The following DENND5A variants were observed in gnomAD, a reference collection of about 807,000 sequenced individuals.
DENND5A encodes DENN domain containing 5A.
DENND5A carries 64 observed loss-of-function variants against 140.3 expected under a neutral mutation model. The ratio of observed to expected loss-of-function variants is 0.46; its 90% CI spans 0.37 to 0.56. The LOEUF (loss-of-function observed/expected upper bound fraction) is 0.56. DENND5A is among the 20% of genes least tolerant of loss of function. DENND5A has a pLI of 0.00. For synonymous variants in DENND5A, 605 were observed against 607.7 expected (o/e 1.00, Z 0.07); for missense variants, 1,292 against 1,593.8 (o/e 0.81, Z 3.22).
chr11:9,237,517 A>G (rs546676331), intron 1 of DENND5A, among the ~76,000 whole-genome samples: 66 of 152,356 alleles, frequency 4.3e-4, no homozygotes, highest in Non-Finnish European at 8.1e-4. Context: ...AATGTTAAAC[A>G]TTACTAGCAG....
Position 9,243,087 on chromosome 11 carries a change from C to CAAAAAAA in DENND5A, c.109+21867_109+21873dup, listed in dbSNP as rs539119487. The stretch of plus-strand genomic sequence containing the variant: ...TGGGCGACACAGCGAGACTCTGTCT[C>CAAAAAAA]AAAAAAAAAAAAAAAAACAAAAAAA... On this transcript the variant is annotated intron_variant, in intron 1 of 22. Transcript: ENST00000328194. 4.8e-4 allele frequency among the ~76,000 whole-genome samples: 32 copies of CAAAAAAA among 66,886 alleles called. 2 individuals carry two copies. Among genetic ancestry groups the CAAAAAAA allele is most frequent in the African/African-American group, 7.4e-4 (12 of 16,226 alleles). 43.9% of individuals were successfully genotyped at this position (66,886 alleles called of 152,430 possible). A position where few individuals can be genotyped will look rare whatever the true frequency, so the allele number is the denominator to read the frequency against.
At chr11:9,140,488 C>T (rs1847200708) in intron 22 of DENND5A, among the ~76,000 whole-genome samples, 1 of 152,178 alleles carries the variant, frequency 6.6e-6, no homozygotes, top group Non-Finnish European at 1.5e-5. Flanking sequence ...ACCTGACCTA[C>T]AGGAATAGCC....
intron 1 of DENND5A, among the ~76,000 whole-genome samples, chr11:9,224,072 T>G (rs1277563215): frequency 6.6e-6 from 1 of 152,116 alleles, no homozygotes; most frequent in African/African-American, 2.4e-5. Context: ...CGCATGCCTG[T>G]AATCCCAACT....
chr11:9,147,173 A>T, intron 15 of DENND5A, 22 bp from the exon 16 acceptor site: 1 of 1,612,798 alleles, frequency 6.2e-7, no homozygotes, highest in South Asian at 1.1e-5. Flanking sequence ...GAGGTAATAC[A>T]TCAGTCTCCG....
intron 12 of DENND5A, among the ~76,000 whole-genome samples, chr11:9,155,691 A>G (rs1226537969): frequency 1.3e-5 from 2 of 152,264 alleles, no homozygotes; most frequent in Non-Finnish European, 2.9e-5. Context: ...AAAGATAAGT[A>G]ACAACTCCTT....
At chr11:9,152,491 T>C (rs750698431) in intron 12 of DENND5A, 49 bp from the exon 13 acceptor site, 1 of 1,284,588 alleles carries the variant, frequency 7.8e-7, no homozygotes, top group South Asian at 1.2e-5. Flanking sequence ...ATTTCAGGGG[T>C]CAAGGCTTTC....
intron 15 of DENND5A, among the ~76,000 whole-genome samples, chr11:9,149,530 G>A (rs1373147910): frequency 6.6e-6 from 1 of 152,174 alleles, no homozygotes; most frequent in African/African-American, 2.4e-5. Flanking sequence ...GATGAACCAC[G>A]TTTCTGGGGA....
chr11:9,249,336 C>T (rs905308874), intron 1 of DENND5A, among the ~76,000 whole-genome samples: 6 of 151,748 alleles, frequency 4.0e-5, no homozygotes, highest in African/African-American at 1.5e-4. Flanking sequence ...TATTCATTTA[C>T]TGTCTTATAA....
intron 15 of DENND5A, among the ~76,000 whole-genome samples, chr11:9,147,654 G>A (rs1445343276): frequency 2.6e-5 from 4 of 152,180 alleles, no homozygotes; most frequent in African/African-American, 7.2e-5. Flanking sequence ...ATTCAGAGGC[G>A]AGAAAGGGCA....
rs909412240 is a variant in DENND5A, at chr11:9,149,169, C to T, written c.2735+912G>A. ...GAATTCAGTGGGTCCCATGAATACA[C>T]AGCCCCCATGAATATACAACCCTGC... On this transcript the variant is annotated intron_variant, in intron 15 of 22. Coordinates refer to ENST00000328194, the MANE Select transcript of DENND5A (RefSeq NM_015213.4). Among the ~76,000 whole-genome samples, 5 of 152,174 alleles carry T rather than the reference C, an allele frequency of 3.3e-5. No homozygotes were observed. The East Asian group carries it at 9.6e-4, about 29-fold the overall frequency.
At chr11:9,144,327 C>G in intron 18 of DENND5A, 49 bp from the exon 19 acceptor site, 2 of 1,593,906 alleles carry the variant, frequency 1.3e-6, no homozygotes, top group South Asian at 2.2e-5. Flanking sequence ...CTCCCTGCTG[C>G]TCACAGGAAG....
intron 1 of DENND5A, among the ~76,000 whole-genome samples, chr11:9,240,223 A>G (rs1851176897): frequency 6.6e-6 from 1 of 151,960 alleles, no homozygotes; most frequent in Admixed American, 6.6e-5. Context: ...GTGAAACCCC[A>G]TCTCTACTAA....
In DENND5A at chr11:9,246,318, T is replaced by C. The variant is rs530410724; in HGVS notation, c.109+18643A>G. On this transcript the variant is annotated intron_variant, in intron 1 of 22. Transcript: ENST00000328194. ...CCACACCGGACACATAGACCTTAGA[T>C]AAAAGGATGTAGGGCCAGGTGGGGT... 2.4e-4 allele frequency among the ~76,000 whole-genome samples: 36 copies of C among 152,068 alleles called. 1 individual carries two copies. The South Asian group carries it at 4.6e-3, about 19-fold the overall frequency.
intron 8 of DENND5A, chr11:9,176,771 C>T (rs759523793): frequency 4.3e-5 from 17 of 395,740 alleles, no homozygotes; most frequent in Middle Eastern, 7.1e-4. Context: ...CAACTGCTTA[C>T]TCATAATTCA....
chr11:9,142,790 T>C lies in DENND5A; in HGVS notation c.3443A>G (p.Glu1148Gly), dbSNP rs1366951083. ...TTTAAATCCATGCTGGAAAGCCTGT[T>C]CCAAGGCCGAGACAAGGCCACACTC... ...CGECGLVSAL[E>G]QAFQHGFKSP... The change falls in exon 21 of 23, where the codon GAA becomes GGA. Residue 1148 changes from glutamate to glycine, a missense_variant. Around this residue, in one of 4 missense-constraint regions of DENND5A, gnomAD observed 498 missense variants for 689.7 expected, o/e 0.72. Transcript: ENST00000328194. 2 of 1,614,038 alleles carry C rather than the reference T, an allele frequency of 1.2e-6. No homozygotes were observed. Among genetic ancestry groups the C allele is most frequent in the Non-Finnish European group, 1.7e-6 (2 of 1,180,026 alleles).
chr11:9,165,289 T>G (rs1290402037), intron 11 of DENND5A, among the ~76,000 whole-genome samples: 1 of 152,168 alleles, frequency 6.6e-6, no homozygotes, highest in African/African-American at 2.4e-5. Flanking sequence ...TGTGAGCCAC[T>G]GCGCCCAGCT....
intron 4 of DENND5A, 24 bp from the exon 5 acceptor site, chr11:9,193,705 G>A: frequency 6.3e-7 from 1 of 1,582,114 alleles, no homozygotes; most frequent in Non-Finnish European, 8.6e-7. Flanking sequence ...AACAAAAAAA[G>A]CACACACACA....
Position 9,265,218 on chromosome 11 carries a change from C to T in DENND5A, c.-149G>A, listed in dbSNP as rs1418271455. ...GCCCCCGGCCCTGGCCCGGTCCCCT[C>T]GGCCGCCGCGGCTGCCGTGACGGGG... On this transcript the variant is annotated 5_prime_UTR_variant, in exon 1 of 23. Transcript: ENST00000328194. The surrounding 1 kb of genome is among the most constrained non-coding windows in gnomAD (Gnocchi z 4.7). The T allele has an allele frequency of 2.2e-5, 6 of 268,582 alleles. No individual in the cohort carries two copies. Among genetic ancestry groups the T allele is most frequent in the Non-Finnish European group, 3.7e-5 (6 of 161,146 alleles). 16.6% of individuals were successfully genotyped at this position (268,582 alleles called of 1,614,324 possible).
At chr11:9,204,423 G>A (rs1015460735) in intron 3 of DENND5A, 106 bp from the exon 4 acceptor site, 34 of 1,099,484 alleles carry the variant, frequency 3.1e-5, no homozygotes, top group Middle Eastern at 3.1e-4. Context: ...TAAGCTGAGC[G>A]TGTATCTGGC....
Sources: gnomAD v4.1 joint callset for allele counts (sites outside exome capture counted in the v4.1 genomes callset) on GRCh38, gnomAD v4.1.1 for gene constraint, gnomAD v4.1.1 regional missense constraint, Gnocchi (gnomAD v3.1) non-coding constraint, MANE v1.5 for transcripts, NCBI Gene and HGNC (gene_info 2026-07-23, HGNC 2026-07-21) for gene names.